PTPRD: variants seen among roughly 807,000 people sequenced by gnomAD.
PTPRD encodes the protein receptor-type tyrosine-protein phosphatase delta.
PTPRD carries 34 observed loss-of-function variants against 214.5 expected under a neutral mutation model. The observed-to-expected ratio is 0.16, with a 90% confidence interval of 0.12 to 0.21. PTPRD has a LOEUF of 0.21. Among genes scored for constraint, PTPRD ranks in the 10% least tolerant of loss-of-function variants. The pLI, the probability that PTPRD is intolerant of heterozygous loss-of-function variation, is 1.00. For missense variants in PTPRD, 2,545 were observed against 2,398.7 expected, an observed-to-expected ratio of 1.06 and a Z score of -1.27; for synonymous variants, 1,128 against 845.7, an observed-to-expected ratio of 1.33 and a Z score of -5.79.
chr9:9,653,787 TG>T (rs1164528562), intron 7 of PTPRD, among the ~76,000 whole-genome samples: 1 of 152,218 alleles, frequency 6.6e-6, no homozygotes, highest in Admixed American at 6.5e-5. Context: ...TAAAGGGATT[TG>T]GCTTTGATGG....
chr9:8,630,827 G>C (rs1308507500), intron 14 of PTPRD, among the ~76,000 whole-genome samples: 1 of 151,978 alleles, frequency 6.6e-6, no homozygotes, highest in East Asian at 1.9e-4. Context: ...TCTAAGTAAA[G>C]TGATATTTTG....
chr9:8,363,871 C>T (rs536661352), intron 39 of PTPRD, among the ~76,000 whole-genome samples: 6 of 152,302 alleles, frequency 3.9e-5, no homozygotes, highest in African/African-American at 1.2e-4. Flanking sequence ...CTTGCATATG[C>T]AAGCTTTTAT....
intron 9 of PTPRD, among the ~76,000 whole-genome samples, chr9:9,186,139 G>A (rs1376150879): frequency 6.6e-6 from 1 of 152,048 alleles, no homozygotes; most frequent in Non-Finnish European, 1.5e-5. Flanking sequence ...AAATTCTCAT[G>A]AACAGAAGAA....
At chr9:10,158,953 A>G (rs978472642) in intron 3 of PTPRD, among the ~76,000 whole-genome samples, 1 of 152,122 alleles carries the variant, frequency 6.6e-6, no homozygotes, top group African/African-American at 2.4e-5. Flanking sequence ...TAACTCTTTC[A>G]AAGGAGACCC....
intron 33 of PTPRD, among the ~76,000 whole-genome samples, chr9:8,453,705 G>C (rs1033252389): frequency 1.3e-5 from 2 of 152,160 alleles, no homozygotes; most frequent in African/African-American, 4.8e-5. Context: ...GTATGCATCA[G>C]CATCACCTGG....
At chr9:9,042,611 TTTCTTTTC>T (rs1732848103) in intron 10 of PTPRD, among the ~76,000 whole-genome samples, 1 of 83,004 alleles carries the variant, frequency 1.2e-5, no homozygotes, top group African/African-American at 4.0e-5. Context: ...TTTTCTTTTT[TTTCTTTTC>T]TTTTTTTTTT....
rs377246185 is a variant in PTPRD, at chr9:10,053,032, G to A, written c.-544-19242C>T. ...GTAAGATGTGCATAATGCATATAAT[G>A]AACAAACATATATGTCATATTAATA... On this transcript the variant is annotated intron_variant, in intron 3 of 45. Coordinates refer to ENST00000381196, the MANE Select transcript of PTPRD (RefSeq NM_002839.4). 7.0e-4 allele frequency among the ~76,000 whole-genome samples: 107 copies of A among 152,192 alleles called. 2 individuals are homozygous for A. In the South Asian group the frequency reaches 0.021, roughly 29 times the overall value.
At chr9:10,318,999 C>T (rs1337731877) in intron 3 of PTPRD, among the ~76,000 whole-genome samples, 1 of 152,008 alleles carries the variant, frequency 6.6e-6, no homozygotes, top group Non-Finnish European at 1.5e-5. Context: ...TGCTGCTTTT[C>T]CCTCTCCTTC....
intron 10 of PTPRD, among the ~76,000 whole-genome samples, chr9:9,167,047 C>T (rs1008848101): frequency 6.6e-6 from 1 of 152,020 alleles, no homozygotes; most frequent in Non-Finnish European, 1.5e-5. Flanking sequence ...AGAAAAAAAA[C>T]TAAAGCCCAG....
intron 2 of PTPRD, among the ~76,000 whole-genome samples, chr9:10,578,365 T>A (rs1037929531): frequency 1.6e-4 from 24 of 152,140 alleles, no homozygotes; most frequent in African/African-American, 5.5e-4. Flanking sequence ...CTTATAAAAT[T>A]ATATATATTA....
At chr9:10,164,172 A>C (rs1005241739) in intron 3 of PTPRD, among the ~76,000 whole-genome samples, 3 of 151,546 alleles carry the variant, frequency 2.0e-5, no homozygotes, top group Admixed American at 2.0e-4. Flanking sequence ...GAGGGATTAT[A>C]AAATACAGAA....
intron 9 of PTPRD, among the ~76,000 whole-genome samples, chr9:9,247,690 A>C (rs920720618): frequency 6.6e-6 from 1 of 152,078 alleles, no homozygotes; most frequent in Admixed American, 6.6e-5. Context: ...TCTGATCTCC[A>C]GCAGGGAGTC....
At chr9:8,520,950 T>C (rs1292917895) in intron 20 of PTPRD, among the ~76,000 whole-genome samples, 1 of 152,148 alleles carries the variant, frequency 6.6e-6, no homozygotes, top group East Asian at 1.9e-4. Context: ...TCTGGTCTAG[T>C]ATGTAGACTG....
At chr9:8,399,754 G>A (rs1356620752) in intron 36 of PTPRD, among the ~76,000 whole-genome samples, 1 of 152,150 alleles carries the variant, frequency 6.6e-6, no homozygotes, top group African/African-American at 2.4e-5. Context: ...AATTAGGTTT[G>A]ATGTACACAG....
intron 2 of PTPRD, among the ~76,000 whole-genome samples, chr9:10,386,691 C>CA (rs1197984394): frequency 2.6e-5 from 4 of 151,256 alleles, no homozygotes; most frequent in African/African-American, 9.7e-5. Context: ...AACAAACAAA[C>CA]AAAAAACAGA....
intron 11 of PTPRD, among the ~76,000 whole-genome samples, chr9:8,794,763 A>G (rs758594736): frequency 1.3e-4 from 20 of 152,176 alleles, no homozygotes; most frequent in African/African-American, 3.9e-4. Context: ...ACTTAACAAG[A>G]AAGAGCAAAC....
At chr9:10,408,642 T>C (rs1397481827) in intron 2 of PTPRD, among the ~76,000 whole-genome samples, 6 of 151,660 alleles carry the variant, frequency 4.0e-5, no homozygotes, top group African/African-American at 1.5e-4. Flanking sequence ...TCTTACAGAG[T>C]ATAGGTCCCA....
intron 9 of PTPRD, among the ~76,000 whole-genome samples, chr9:9,268,941 G>T (rs967013942): frequency 1.3e-5 from 2 of 150,450 alleles, no homozygotes; most frequent in African/African-American, 4.9e-5. Flanking sequence ...CATGACACAG[G>T]TCTGGGCAAC....
At chr9:9,410,406 T>A (rs1193624105) in intron 8 of PTPRD, among the ~76,000 whole-genome samples, 1 of 152,250 alleles carries the variant, frequency 6.6e-6, no homozygotes, top group East Asian at 1.9e-4. Flanking sequence ...TTGCCATTCA[T>A]ATTTCATCTT....
Sources: gnomAD v4.1 joint callset for allele counts (sites outside exome capture counted in the v4.1 genomes callset) on GRCh38, gnomAD v4.1.1 for gene constraint, MANE v1.5 for transcripts, NCBI Gene and HGNC (gene_info 2026-07-23, HGNC 2026-07-21) for gene names.